PPME1: variants seen among roughly 807,000 people sequenced by gnomAD.
PPME1 encodes the protein testicular secretory protein Li 39.
Under a neutral mutation model 56.9 loss-of-function variants are expected in PPME1, and 17 were observed. The observed-to-expected ratio is 0.30, with a 90% CI of 0.20 to 0.45. The LOEUF (loss-of-function observed/expected upper bound fraction) is 0.45. Ranked by LOEUF, PPME1 falls within the 20% of genes least tolerant of loss-of-function variation. The pLI is 1.00. For synonymous variants in PPME1, 122 were observed against 156.2 expected, an observed-to-expected ratio of 0.78 and a Z score of 1.63; for missense variants, 357 against 483.2, an observed-to-expected ratio of 0.74 and a Z score of 2.45.
intron 13 of PPME1, 114 bp downstream of exon 13, chr11:74,251,829 C>A: frequency 7.8e-7 from 1 of 1,277,944 alleles, no homozygotes; most frequent in Non-Finnish European, 1.1e-6. Flanking sequence ...GGTCACCATG[C>A]CTTTCTTCCT....
chr11:74,183,863 C>T (rs371017557), intron 1 of PPME1, among the ~76,000 whole-genome samples: 1 of 152,074 alleles, frequency 6.6e-6, no homozygotes, highest in African/African-American at 2.4e-5. Context: ...GCTCAATAAA[C>T]ATTTGTTGAG....
At chr11:74,241,018 A>G (rs923336149) in intron 9 of PPME1, among the ~76,000 whole-genome samples, 3 of 152,168 alleles carry the variant, frequency 2.0e-5, no homozygotes, top group African/African-American at 7.2e-5. Flanking sequence ...CTCGATTTTT[A>G]ATTCTAACTC....
At chr11:74,217,957 G>A (rs1231677163) in intron 3 of PPME1, among the ~76,000 whole-genome samples, 2 of 152,082 alleles carry the variant, frequency 1.3e-5, no homozygotes, top group African/African-American at 4.8e-5. Context: ...GAGAAAGAAA[G>A]GGCATCCAAA....
chr11:74,174,564 T>C (rs562722341), intron 1 of PPME1, among the ~76,000 whole-genome samples: 46 of 152,342 alleles, frequency 3.0e-4, no homozygotes, highest in African/African-American at 1.0e-3. Flanking sequence ...CTATTTTTCA[T>C]GATCTCTTGC....
chr11:74,195,752 T>A (rs1307009231), intron 1 of PPME1, among the ~76,000 whole-genome samples: 1 of 152,220 alleles, frequency 6.6e-6, no homozygotes. Context: ...ATGATGGATG[T>A]GAAATATGAT....
intron 3 of PPME1, among the ~76,000 whole-genome samples, chr11:74,219,666 C>T (rs771724854): frequency 7.2e-5 from 11 of 152,070 alleles, no homozygotes; most frequent in Non-Finnish European, 1.0e-4. Context: ...CATGTTCTCA[C>T]TTACTTATGG....
chr11:74,186,984 G>C (rs1857701201), intron 1 of PPME1, among the ~76,000 whole-genome samples: 1 of 152,182 alleles, frequency 6.6e-6, no homozygotes, highest in South Asian at 2.1e-4. Flanking sequence ...AGTTATCCCA[G>C]TATGATTTAA....
In PPME1 at chr11:74,230,802, C is replaced by T. The variant is rs1351245497; in HGVS notation, c.554-110C>T. The stretch of plus-strand genomic sequence containing the variant: ...AGGGCCATCTTTATTTCTCTGCGAG[C>T]ATCACTAAATTCTGCTGTCATCAAG... On this transcript the variant is annotated intron_variant, in intron 6 of 13. Transcript: ENST00000328257. The surrounding 1 kb of genome is among the most constrained non-coding windows in gnomAD (Gnocchi z 4.9). 2.4e-6 allele frequency: 2 copies of T among 850,442 alleles called. No individual in the cohort carries two copies. The allele number at this position is 850,442 out of a possible 1,614,324, so 52.7% of individuals were successfully genotyped here. A position where few individuals can be genotyped will look rare whatever the true frequency, so the allele number is the denominator to read the frequency against.
chr11:74,175,779 A>C (rs1857387013), intron 1 of PPME1, among the ~76,000 whole-genome samples: 1 of 152,198 alleles, frequency 6.6e-6, no homozygotes, highest in Admixed American at 6.5e-5. Context: ...CTATGAGGTA[A>C]ACTAGGGCAG....
At chr11:74,216,268 CA>C (rs1338439689) in intron 3 of PPME1, among the ~76,000 whole-genome samples, 2 of 152,022 alleles carry the variant, frequency 1.3e-5, no homozygotes, top group Non-Finnish European at 2.9e-5. Flanking sequence ...GGATAACATT[CA>C]AAAAACTGAA....
intron 4 of PPME1, among the ~76,000 whole-genome samples, chr11:74,224,828 C>T (rs1858893528): frequency 1.3e-5 from 2 of 149,312 alleles, no homozygotes; most frequent in African/African-American, 5.0e-5. Flanking sequence ...TGCTTATCAG[C>T]TTAAGGAGAT....
chr11:74,195,283 C>A (rs1857950912), intron 1 of PPME1, among the ~76,000 whole-genome samples: 1 of 152,130 alleles, frequency 6.6e-6, no homozygotes, highest in Admixed American at 6.5e-5. Context: ...ATAATCAGTG[C>A]CTGGCTTTTC....
Position 74,247,144 on chromosome 11 carries a change from AC to A in PPME1, c.1009+25del, listed in dbSNP as rs779561623. The A allele has an allele frequency of 1.9e-6, 3 of 1,594,914 alleles. No individual in the cohort carries two copies. In the South Asian group the frequency reaches 3.3e-5, roughly 18 times the overall value. On this transcript the variant is annotated intron_variant, in intron 11 of 13. Coordinates refer to ENST00000328257, the MANE Select transcript of PPME1 (RefSeq NM_016147.3). Reference sequence around the variant, plus strand: ...GCAAGGTAAGTTATCAAGAAATTATACCCCTGGACCCTTTTCTGAAGAAAGG... The same window carrying A: ...GCAAGGTAAGTTATCAAGAAATTATACCCTGGACCCTTTTCTGAAGAAAGG...
intron 9 of PPME1, among the ~76,000 whole-genome samples, chr11:74,244,290 G>A (rs1460779384): frequency 2.6e-5 from 4 of 152,192 alleles, no homozygotes; most frequent in Admixed American, 2.0e-4. Context: ...GTACCCAGAA[G>A]TGGGATTCCT....
intron 5 of PPME1, among the ~76,000 whole-genome samples, chr11:74,226,217 CTT>C (rs1858928628): frequency 6.6e-6 from 1 of 152,058 alleles, no homozygotes; most frequent in African/African-American, 2.4e-5. Flanking sequence ...AAATCATTAA[CTT>C]ATTTTGTGTA....
intron 1 of PPME1, among the ~76,000 whole-genome samples, chr11:74,173,008 A>C (rs1026462558): frequency 1.3e-5 from 2 of 152,178 alleles, no homozygotes; most frequent in African/African-American, 4.8e-5. Flanking sequence ...GGGTGGAAAA[A>C]CCAGGGAAGG....
At chr11:74,226,861 C>T (rs1175135117) in intron 5 of PPME1, among the ~76,000 whole-genome samples, 1 of 152,086 alleles carries the variant, frequency 6.6e-6, no homozygotes, top group Non-Finnish European at 1.5e-5. Context: ...TAAGAAGTAA[C>T]AAAAACTCTT....
intron 3 of PPME1, among the ~76,000 whole-genome samples, chr11:74,208,772 C>T (rs1380028693): frequency 6.6e-6 from 1 of 152,004 alleles, no homozygotes; most frequent in Admixed American, 6.6e-5. Flanking sequence ...GAGGGGACTA[C>T]AAGGAAAGTT....
chr11:74,186,383 G>C (rs1019114244), intron 1 of PPME1, among the ~76,000 whole-genome samples: 21 of 152,126 alleles, frequency 1.4e-4, no homozygotes, highest in African/African-American at 5.1e-4. Context: ...TTCATTGCCA[G>C]CTTTGATGAT....
Sources: allele counts gnomAD v4.1 joint callset (sites outside exome capture counted in the v4.1 genomes callset), GRCh38; gene constraint gnomAD v4.1.1; non-coding constraint Gnocchi (gnomAD v3.1); transcripts MANE v1.5; gene names NCBI Gene and HGNC (gene_info 2026-07-23, HGNC 2026-07-21).